Variants in DLGAP1 observed in about 807,000 individuals in gnomAD.
The protein encoded by DLGAP1 is disks large-associated protein 1.
In DLGAP1, 11 loss-of-function variants were observed where a neutral mutation model predicts 90.8. The observed-to-expected ratio is 0.12, with a 90% CI of 0.08 to 0.20. The LOEUF (loss-of-function observed/expected upper bound fraction) is 0.20, where lower values mean the gene tolerates loss of function less well. Ranked by LOEUF, DLGAP1 falls within the 10% of genes least tolerant of loss-of-function variation. The pLI is 1.00. For missense variants in DLGAP1, 1,050 were observed against 1,333.8 expected, an observed-to-expected ratio of 0.79 and a Z score of 3.31; for synonymous variants, 558 against 540.7, an observed-to-expected ratio of 1.03 and a Z score of -0.44.
intron 5 of DLGAP1, among the ~76,000 whole-genome samples, chr18:3,765,295 T>TA (rs2064180875): frequency 6.6e-6 from 1 of 150,502 alleles, no homozygotes; most frequent in Non-Finnish European, 1.5e-5. Context: ...CACGCCTGGC[T>TA]AGTTTTTTGT....
intron 7 of DLGAP1, among the ~76,000 whole-genome samples, chr18:3,710,358 C>CT (rs1445531754): frequency 6.6e-6 from 1 of 152,212 alleles, no homozygotes; most frequent in African/African-American, 2.4e-5. Context: ...ATCCCCCGCC[C>CT]TTTCTCCTCC....
chr18:4,290,759 G>T (rs116618590), intron 1 of DLGAP1, among the ~76,000 whole-genome samples: 3,729 of 152,154 alleles, frequency 0.025, 170 homozygotes, highest in African/African-American at 0.085. Context: ...TTAATATCAA[G>T]TTATGAGTAT....
In DLGAP1 at chr18:4,233,689, A is replaced by G. The variant is rs116624606; in HGVS notation, c.-266-82402T>C. 2.8e-3 allele frequency among the ~76,000 whole-genome samples: 432 copies of G among 152,244 alleles called. 2 individuals are homozygous for G. Among genetic ancestry groups the G allele is most frequent in the African/African-American group, 9.7e-3 (403 of 41,566 alleles). ...TTAAGCTTCACCTCCTGGAGGGAGT[A>G]TTATCAAGGAATATGCGCATATGTT... On this transcript the variant is annotated intron_variant, in intron 1 of 12. Coordinates refer to ENST00000315677, the MANE Select transcript of DLGAP1 (RefSeq NM_004746.4).
intron 2 of DLGAP1, among the ~76,000 whole-genome samples, chr18:4,047,639 T>A (rs1467442051): frequency 6.6e-6 from 1 of 152,182 alleles, no homozygotes; most frequent in East Asian, 1.9e-4. Flanking sequence ...TCCATTTGTA[T>A]CAGATGTCTC....
At position 4,247,129 on chromosome 18, in the gene DLGAP1, G is replaced by A. The variant is rs921704293; in HGVS notation, c.-266-95842C>T. On this transcript the variant is annotated intron_variant, in intron 1 of 12. Transcript: ENST00000315677. ...GGAGAAGGATGAGGAAGAGAAAGAG[G>A]AAAATGGCAGTAACAATAGTATTAC... is the stretch of plus-strand genomic sequence containing the variant. 2.8e-4 allele frequency among the ~76,000 whole-genome samples: 43 copies of A among 152,152 alleles called. No individual in the cohort carries two copies. In the Middle Eastern group the frequency reaches 0.01, roughly 36 times the overall value.
chr18:3,945,960 T>C (rs77592273), intron 3 of DLGAP1, among the ~76,000 whole-genome samples: 6,314 of 152,194 alleles, frequency 0.041, 212 homozygotes, highest in South Asian at 0.11. Context: ...AGACTGGGGA[T>C]AATACCATTG....
chr18:4,077,024 G>C (rs1277115732), intron 2 of DLGAP1, among the ~76,000 whole-genome samples: 2 of 152,158 alleles, frequency 1.3e-5, no homozygotes, highest in African/African-American at 4.8e-5. Flanking sequence ...GCAGGGACCT[G>C]TTCTGCTCAG....
intron 1 of DLGAP1, among the ~76,000 whole-genome samples, chr18:4,371,785 C>A (rs1358128374): frequency 6.6e-6 from 1 of 152,204 alleles, no homozygotes; most frequent in Non-Finnish European, 1.5e-5. Flanking sequence ...ATCATCCTCC[C>A]TTTTGGCCCT....
At chr18:4,223,306 G>A (rs1039701487) in intron 1 of DLGAP1, among the ~76,000 whole-genome samples, 19 of 152,114 alleles carry the variant, frequency 1.2e-4, no homozygotes, top group African/African-American at 4.6e-4. Flanking sequence ...TAATTTATTA[G>A]AGAGTGAGAC....
At chr18:3,722,213 A>C (rs552289218) in intron 7 of DLGAP1, 2 of 152,172 alleles carry the variant, frequency 1.3e-5, no homozygotes, top group Non-Finnish European at 2.9e-5. Context: ...TGTGAGGCAT[A>C]GCCCCTCAAG....
At chr18:4,269,537 G>A (rs992355635) in intron 1 of DLGAP1, among the ~76,000 whole-genome samples, 1 of 151,638 alleles carries the variant, frequency 6.6e-6, no homozygotes, top group African/African-American at 2.4e-5. Context: ...TGTATTTTTA[G>A]TAGAGACGGG....
At chr18:3,974,111 C>T (rs959662379) in intron 3 of DLGAP1, among the ~76,000 whole-genome samples, 6 of 151,914 alleles carry the variant, frequency 3.9e-5, no homozygotes, top group South Asian at 4.2e-4. Context: ...AGTCTCACTC[C>T]CTCGCCAGGC....
chr18:3,581,768 A>T, intron 8 of DLGAP1, 107 bp downstream of exon 8: 1 of 1,451,592 alleles, frequency 6.9e-7, no homozygotes, highest in Non-Finnish European at 9.4e-7. Context: ...CTATGCATAG[A>T]TCTATGATTC....
In DLGAP1 at chr18:4,279,270, T is replaced by C. The variant is rs1462003407; in HGVS notation, c.-266-127983A>G. ...ACATACAGGAAAGTGCATTCTAAAA[T>C]AGAAATCCTTAAACATCCAAATAAT... is the stretch of plus-strand genomic sequence containing the variant. On this transcript the variant is annotated intron_variant, in intron 1 of 12. Transcript: ENST00000315677. Among the ~76,000 whole-genome samples, 5 of 151,254 alleles carry C rather than the reference T, an allele frequency of 3.3e-5. No homozygotes were observed. The East Asian group carries it at 5.8e-4, about 18-fold the overall frequency.
At chr18:3,768,004 C>T (rs943852519) in intron 5 of DLGAP1, among the ~76,000 whole-genome samples, 1 of 152,064 alleles carries the variant, frequency 6.6e-6, no homozygotes, top group Non-Finnish European at 1.5e-5. Flanking sequence ...AAAACTGTCC[C>T]TGTTTTGTCT....
intron 1 of DLGAP1, among the ~76,000 whole-genome samples, chr18:4,439,856 C>T (rs906321522): frequency 1.4e-4 from 21 of 151,996 alleles, no homozygotes; most frequent in South Asian, 1.0e-3. Flanking sequence ...CAGTGGCTCA[C>T]GCCTGTAATC....
intron 1 of DLGAP1, among the ~76,000 whole-genome samples, chr18:4,194,952 T>C (rs2077468586): frequency 6.6e-6 from 1 of 152,220 alleles, no homozygotes; most frequent in Non-Finnish European, 1.5e-5. Flanking sequence ...TGAAATTTAT[T>C]CTTTTACTTT....
intron 1 of DLGAP1, among the ~76,000 whole-genome samples, chr18:4,400,883 T>C (rs929225523): frequency 5.3e-5 from 8 of 152,164 alleles, no homozygotes; most frequent in African/African-American, 1.9e-4. Context: ...GGCTTCAAAG[T>C]TTCAAAGATT....
At chr18:4,227,612 A>G (rs2078218947) in intron 1 of DLGAP1, among the ~76,000 whole-genome samples, 1 of 152,030 alleles carries the variant, frequency 6.6e-6, no homozygotes, top group African/African-American at 2.4e-5. Context: ...AAGTGGGTGA[A>G]AAAATTAAGA....
Sources: gnomAD v4.1 joint callset for allele counts (sites outside exome capture counted in the v4.1 genomes callset) on GRCh38, gnomAD v4.1.1 for gene constraint, MANE v1.5 for transcripts, NCBI Gene and HGNC (gene_info 2026-07-23, HGNC 2026-07-21) for gene names.